NCKAP5: variants seen among roughly 807,000 people sequenced by gnomAD.
The protein encoded by NCKAP5 is nck-associated protein 5.
A neutral mutation model predicts 167.0 loss-of-function variants in NCKAP5; 92 were observed. The observed-to-expected ratio is 0.55, with a 90% confidence interval of 0.47 to 0.66. NCKAP5 has a LOEUF of 0.66. NCKAP5 is among the 30% of genes least tolerant of loss of function. The probability of loss-of-function intolerance (pLI) is 0.00; values close to 1 mark genes in which losing one functional copy is unlikely to be tolerated. For synonymous variants in NCKAP5, 891 were observed against 877.4 expected (o/e 1.02, Z -0.27); for missense variants, 2,378 against 2,315.0 (o/e 1.03, Z -0.56).
At chr2:133,588,091 T>C in the NCKAP5 span, among the ~76,000 whole-genome samples, 1 of 152,106 alleles carries the variant, frequency 6.6e-6, no homozygotes, top group Admixed American at 6.5e-5. Context: ...TGTGTGTATG[T>C]CTGTATACAC....
intron 2 of NCKAP5, among the ~76,000 whole-genome samples, chr2:133,532,085 A>G (rs1477439721): frequency 6.6e-6 from 1 of 152,236 alleles, no homozygotes; most frequent in African/African-American, 2.4e-5. Context: ...GTTTATGTAC[A>G]TATGATAGTC....
At chr2:133,385,909 T>C (rs1686924178) in intron 3 of NCKAP5, among the ~76,000 whole-genome samples, 1 of 152,234 alleles carries the variant, frequency 6.6e-6, no homozygotes, top group Non-Finnish European at 1.5e-5. Context: ...TTTATCATTT[T>C]TATTGCATCT....
chr2:133,033,767 A>C (rs115754976), intron 6 of NCKAP5, among the ~76,000 whole-genome samples: 288 of 152,176 alleles, frequency 1.9e-3, no homozygotes, highest in African/African-American at 6.7e-3. Context: ...TTGGTCAAGC[A>C]GAAGAAAGAA....
chr2:133,494,613 C>A (rs1417048979), intron 3 of NCKAP5, among the ~76,000 whole-genome samples: 1 of 152,092 alleles, frequency 6.6e-6, no homozygotes, highest in African/African-American at 2.4e-5. Context: ...TGAGAAGGTG[C>A]GGTCAGACAT....
intron 4 of NCKAP5, among the ~76,000 whole-genome samples, chr2:133,283,156 A>T (rs943910799): frequency 3.9e-5 from 6 of 152,206 alleles, no homozygotes; most frequent in Non-Finnish European, 5.9e-5. Flanking sequence ...ATTTTGGTGG[A>T]GATGGCATTT....
chr2:133,283,683 T>C lies in NCKAP5; in HGVS notation c.143+19354A>G, dbSNP rs1161227455. On this transcript the variant is annotated intron_variant, in intron 4 of 19. Coordinates refer to ENST00000409261, the MANE Select transcript of NCKAP5 (RefSeq NM_207363.3). ...TGGAGTGCAATGGCAGGATCTCGGC[T>C]CACTGCAACCTCCACCTCCCAGGTT... Among the ~76,000 whole-genome samples, 3 of 151,768 alleles carry C rather than the reference T, an allele frequency of 2.0e-5. No individual in the cohort carries two copies. In the East Asian group the frequency reaches 5.8e-4, roughly 30 times the overall value.
intron 7 of NCKAP5, among the ~76,000 whole-genome samples, chr2:132,965,192 T>C (rs1216441236): frequency 6.6e-6 from 1 of 152,170 alleles, no homozygotes; most frequent in Non-Finnish European, 1.5e-5. Flanking sequence ...TGTAGTTCTT[T>C]ATGAAATCAG....
rs540131923 is a variant in NCKAP5 at position 132,875,910 on chromosome 2, C to T, written c.648+2938G>A. On this transcript the variant is annotated intron_variant, in intron 9 of 19. Transcript: ENST00000409261. Reference sequence around the variant, plus strand: ...GTAGGTGTGTGCACTTGTGGATGTGCATGCCTAGCAAGCCAGGGTGTATGT... The same window carrying T: ...GTAGGTGTGTGCACTTGTGGATGTGTATGCCTAGCAAGCCAGGGTGTATGT... Among the ~76,000 whole-genome samples the T allele has an allele frequency of 2.3e-4, 35 of 152,166 alleles. No individual in the cohort carries two copies. In the South Asian group the frequency reaches 6.6e-3, roughly 29 times the overall value.
At chr2:132,744,062 A>G (rs1679435863) in intron 16 of NCKAP5, among the ~76,000 whole-genome samples, 1 of 151,762 alleles carries the variant, frequency 6.6e-6, no homozygotes, top group Non-Finnish European at 1.5e-5. Context: ...GACAGAACTT[A>G]AAAGAGAAAA....
intron 3 of NCKAP5, among the ~76,000 whole-genome samples, chr2:133,361,334 G>A (rs1383262418): frequency 6.6e-6 from 1 of 152,154 alleles, no homozygotes. Context: ...CAAAGTATTA[G>A]GTTGTCTTGA....
At chr2:133,262,615 G>C (rs1489766424) in intron 4 of NCKAP5, among the ~76,000 whole-genome samples, 1 of 152,192 alleles carries the variant, frequency 6.6e-6, no homozygotes, top group Non-Finnish European at 1.5e-5. Context: ...GGATGGAAGG[G>C]CGTAATATCC....
rs1685998435 is a variant in NCKAP5 at position 133,374,342 on chromosome 2, T to A, written c.70-71232A>T. On this transcript the variant is annotated intron_variant, in intron 3 of 19. Transcript: ENST00000409261. The stretch of plus-strand genomic sequence containing the variant: ...TGAAAATTCAGTGTTTTCCAGGGGA[T>A]AAGGGGAAGGGACTGGGCACAGAGG... 4.6e-5 allele frequency among the ~76,000 whole-genome samples: 7 copies of A among 152,188 alleles called. No homozygotes were observed. The South Asian group carries it at 1.5e-3, about 32-fold the overall frequency.
chr2:132,719,052 T>A (rs1414340180), intron 19 of NCKAP5, among the ~76,000 whole-genome samples: 2 of 152,084 alleles, frequency 1.3e-5, no homozygotes, highest in Non-Finnish European at 2.9e-5. Flanking sequence ...AATGAAAGGT[T>A]AGAGAAGAAG....
At chr2:132,695,312 A>G (rs1687199689) in intron 19 of NCKAP5, among the ~76,000 whole-genome samples, 1 of 152,160 alleles carries the variant, frequency 6.6e-6, no homozygotes. Context: ...TTTCTCGGTA[A>G]AGAGTAAAAA....
chr2:133,361,863 C>A (rs1035152924), intron 3 of NCKAP5, among the ~76,000 whole-genome samples: 1 of 152,100 alleles, frequency 6.6e-6, no homozygotes, highest in Non-Finnish European at 1.5e-5. Flanking sequence ...AAATCCAGTT[C>A]ATATATTTGA....
intron 9 of NCKAP5, among the ~76,000 whole-genome samples, chr2:132,870,665 C>G (rs1690740285): frequency 6.6e-6 from 1 of 151,048 alleles, no homozygotes; most frequent in African/African-American, 2.4e-5. Flanking sequence ...TGTTATTTTT[C>G]TCTTGGTAAC....
At chr2:133,283,068 A>G (rs945651376) in intron 4 of NCKAP5, among the ~76,000 whole-genome samples, 20 of 152,246 alleles carry the variant, frequency 1.3e-4, no homozygotes, top group African/African-American at 4.8e-4. Flanking sequence ...AGTAAGTTTT[A>G]TACTACTCAC....
At chr2:132,714,728 G>A (rs998290395) in intron 19 of NCKAP5, 34 of 371,136 alleles carry the variant, frequency 9.2e-5, no homozygotes, top group African/African-American at 5.0e-4. Flanking sequence ...CAGGAGAATC[G>A]CTTGAACCCG....
At chr2:133,066,077 A>G (rs2080185323) in intron 6 of NCKAP5, among the ~76,000 whole-genome samples, 1 of 152,204 alleles carries the variant, frequency 6.6e-6, no homozygotes, top group Admixed American at 6.5e-5. Context: ...GTATGTATGT[A>G]TTTCCCTCAT....
Sources: gnomAD v4.1 joint callset for allele counts (sites outside exome capture counted in the v4.1 genomes callset) on GRCh38, gnomAD v4.1.1 for gene constraint, MANE v1.5 for transcripts, NCBI Gene and HGNC (gene_info 2026-07-23, HGNC 2026-07-21) for gene names.